Variants in BTBD9 observed in about 807,000 individuals in gnomAD.
BTBD9 encodes BTB/POZ domain-containing protein 9.
Under a neutral mutation model 64.3 loss-of-function variants are expected in BTBD9, and 49 were observed. The observed-to-expected ratio is 0.76, with a 90% CI of 0.61 to 0.97. The LOEUF (loss-of-function observed/expected upper bound fraction) is 0.97. Ranked by LOEUF, BTBD9 falls within the 50% of genes least tolerant of loss-of-function variation. BTBD9 has a pLI of 0.00. For missense variants in BTBD9, 598 were observed against 762.1 expected, an observed-to-expected ratio of 0.78 and a Z score of 2.53; for synonymous variants, 260 against 274.7, an observed-to-expected ratio of 0.95 and a Z score of 0.53.
chr6:38,575,718 C>T (rs1302492007), intron 6 of BTBD9, among the ~76,000 whole-genome samples: 1 of 151,944 alleles, frequency 6.6e-6, no homozygotes, highest in Non-Finnish European at 1.5e-5. Flanking sequence ...TTAAAAAATT[C>T]TTATTAACAT....
intron 6 of BTBD9, among the ~76,000 whole-genome samples, chr6:38,377,291 C>A (rs747717136): frequency 6.6e-6 from 1 of 152,150 alleles, no homozygotes. Flanking sequence ...ATGTCGGTCA[C>A]AGCAAGGAAG....
chr6:38,455,511 C>T (rs1436622026), intron 6 of BTBD9, among the ~76,000 whole-genome samples: 2 of 152,166 alleles, frequency 1.3e-5, no homozygotes, highest in Non-Finnish European at 2.9e-5. Context: ...TGGAATCATA[C>T]AGTATGTAGC....
chr6:38,396,654 C>T (rs949273382), intron 6 of BTBD9, among the ~76,000 whole-genome samples: 2 of 152,212 alleles, frequency 1.3e-5, no homozygotes, highest in African/African-American at 4.8e-5. Flanking sequence ...CTACATCCTA[C>T]AGCTGTTAAT....
intron 6 of BTBD9, among the ~76,000 whole-genome samples, chr6:38,354,804 G>T (rs191205773): frequency 9.9e-5 from 15 of 151,992 alleles, no homozygotes; most frequent in African/African-American, 3.4e-4. Context: ...CTACCAAAAA[G>T]AATCAGAATA....
intron 6 of BTBD9, among the ~76,000 whole-genome samples, chr6:38,475,439 T>C (rs1770835298): frequency 6.6e-6 from 1 of 152,220 alleles, no homozygotes; most frequent in Admixed American, 6.5e-5. Context: ...GAACATAGCA[T>C]ATTCCTGCTC....
chr6:38,358,755 C>T (rs970508023), intron 6 of BTBD9, among the ~76,000 whole-genome samples: 1 of 150,162 alleles, frequency 6.7e-6, no homozygotes, highest in Non-Finnish European at 1.5e-5. Context: ...TAAATGATTT[C>T]AATGGATTGT....
At chr6:38,328,118 T>C (rs1010344102) in intron 7 of BTBD9, among the ~76,000 whole-genome samples, 1 of 152,216 alleles carries the variant, frequency 6.6e-6, no homozygotes, top group Non-Finnish European at 1.5e-5. Flanking sequence ...CTTTCATTCA[T>C]AGAAAATATA....
At chr6:38,556,774 T>C (rs1269753428) in intron 6 of BTBD9, among the ~76,000 whole-genome samples, 1 of 151,292 alleles carries the variant, frequency 6.6e-6, no homozygotes, top group African/African-American at 2.4e-5. Context: ...CCCAGCACTT[T>C]AGGAGGCCGA....
chr6:38,279,698 T>C (rs981812687), intron 8 of BTBD9, among the ~76,000 whole-genome samples: 2 of 152,126 alleles, frequency 1.3e-5, no homozygotes, highest in African/African-American at 2.4e-5. Flanking sequence ...CATTTCGTTT[T>C]CCAAGGTGAA....
chr6:38,349,679 G>A (rs1174750704), intron 6 of BTBD9, among the ~76,000 whole-genome samples: 1 of 151,994 alleles, frequency 6.6e-6, no homozygotes, highest in East Asian at 1.9e-4. Flanking sequence ...ATCCACTGAA[G>A]GTCTTAAAAT....
intron 1 of BTBD9, among the ~76,000 whole-genome samples, chr6:38,604,737 T>C (rs72855171): frequency 0.03 from 4,499 of 152,282 alleles, 99 homozygotes; most frequent in Non-Finnish European, 0.045. Context: ...GTTATATTCT[T>C]ATATGAGAGT....
intron 1 of BTBD9, among the ~76,000 whole-genome samples, chr6:38,606,493 TG>T (rs1777436718): frequency 7.6e-6 from 1 of 131,832 alleles, no homozygotes; most frequent in Non-Finnish European, 1.8e-5. Flanking sequence ...AAGTGACCTT[TG>T]ATTATTTTAA....
chr6:38,173,465 CTGATGT>C lies in BTBD9; in HGVS notation c.*1514_*1519del, dbSNP rs1766875798. 1 of 152,258 alleles carries C rather than the reference CTGATGT, an allele frequency of 6.6e-6. No homozygotes were observed. The highest frequency in any genetic ancestry group is 1.5e-5 in the Non-Finnish European group (1 of 68,048). The allele number at this position is 152,258 out of a possible 1,614,324, so 9.4% of individuals were successfully genotyped here. ...GTGTCCACCCTGCCCCGGTAGCCCTCTGATGTCTGCCATCCTGTGTTCACACGGAAA... is the reference window on the plus strand; with the variant it reads ...GTGTCCACCCTGCCCCGGTAGCCCTCCTGCCATCCTGTGTTCACACGGAAA... On this transcript the variant is annotated 3_prime_UTR_variant, in exon 11 of 11. Coordinates refer to ENST00000481247, the MANE Select transcript of BTBD9 (RefSeq NM_001099272.2).
chr6:38,242,747 C>T (rs1410516843), intron 9 of BTBD9, among the ~76,000 whole-genome samples: 4 of 152,218 alleles, frequency 2.6e-5, no homozygotes, highest in Non-Finnish European at 4.4e-5. Context: ...TAGACTGAAT[C>T]AAAGTTGTGC....
chr6:38,392,341 AGAGAATGGACTAG>A (rs1206369499), intron 6 of BTBD9, among the ~76,000 whole-genome samples: 2 of 152,226 alleles, frequency 1.3e-5, no homozygotes, highest in African/African-American at 4.8e-5. Context: ...GATCCAAGAA[AGAGAATGGACTAG>A]GAGTTTTGTC....
chr6:38,616,510 C>T (rs921766831), intron 1 of BTBD9, among the ~76,000 whole-genome samples: 2 of 152,082 alleles, frequency 1.3e-5, no homozygotes, highest in East Asian at 1.9e-4. Context: ...CCCAGCTACT[C>T]GGAAAGTTGA....
intron 6 of BTBD9, among the ~76,000 whole-genome samples, chr6:38,404,045 TA>T (rs1380052118): frequency 6.6e-6 from 1 of 152,090 alleles, no homozygotes; most frequent in African/African-American, 2.4e-5. Context: ...CATAAAGACA[TA>T]AAGCAGATTA....
At chr6:38,309,915 A>C (rs1316823769) in intron 7 of BTBD9, among the ~76,000 whole-genome samples, 1 of 152,130 alleles carries the variant, frequency 6.6e-6, no homozygotes, top group Non-Finnish European at 1.5e-5. Context: ...GCTATAGAGA[A>C]AATGTCCCCA....
intron 7 of BTBD9, among the ~76,000 whole-genome samples, chr6:38,331,725 G>T (rs1763682262): frequency 6.6e-6 from 1 of 151,988 alleles, no homozygotes; most frequent in Non-Finnish European, 1.5e-5. Flanking sequence ...CTGGGTGGGT[G>T]GTGCATGCCT....
Sources: allele counts gnomAD v4.1 joint callset (sites outside exome capture counted in the v4.1 genomes callset), GRCh38; gene constraint gnomAD v4.1.1; transcripts MANE v1.5; gene names NCBI Gene and HGNC (gene_info 2026-07-23, HGNC 2026-07-21).